FBN2: variants seen among roughly 807,000 people sequenced by gnomAD.
FBN2 encodes fibrillin-2.
A neutral mutation model predicts 355.6 loss-of-function variants in FBN2; 105 were observed. The ratio of observed to expected loss-of-function variants is 0.30; its 90% confidence interval spans 0.25 to 0.35. The LOEUF is 0.35. Among genes scored for constraint, FBN2 ranks in the 10% least tolerant of loss-of-function variants. FBN2 has a pLI of 1.00. For missense variants in FBN2, 3,280 were observed against 3,758.7 expected (o/e 0.87, Z 3.33); for synonymous variants, 1,350 against 1,301.2 (o/e 1.04, Z -0.81).
chr5:128,375,453 G>A (rs1350267961), intron 14 of FBN2, among the ~76,000 whole-genome samples: 7 of 152,126 alleles, frequency 4.6e-5, no homozygotes, highest in Admixed American at 4.6e-4. Context: ...TTCCTATCCT[G>A]TGTTAAATCT....
At chr5:128,338,240 C>T in intron 26 of FBN2, 118 bp from the exon 27 acceptor site, 1 of 1,022,654 alleles carries the variant, frequency 9.8e-7, no homozygotes, top group Non-Finnish European at 1.5e-6. Context: ...AAGAGAGATG[C>T]TTCATAGGAG....
chr5:128,459,983 G>T (rs1275400076), intron 6 of FBN2, among the ~76,000 whole-genome samples: 2 of 152,142 alleles, frequency 1.3e-5, no homozygotes, highest in Non-Finnish European at 2.9e-5. Context: ...GCAAGAGAAA[G>T]AAATAAAGGG....
chr5:128,536,623 A>T (rs1756854233), intron 1 of FBN2, 139 bp from the exon 2 acceptor site: 1 of 719,382 alleles, frequency 1.4e-6, no homozygotes, highest in East Asian at 2.7e-5. Flanking sequence ...ATTATTGGAG[A>T]TCGGGAGGCA....
At chr5:128,338,238 T>C (rs1428634754) in intron 26 of FBN2, 116 bp from the exon 27 acceptor site, 2 of 1,040,336 alleles carry the variant, frequency 1.9e-6, no homozygotes, top group East Asian at 5.2e-5. Context: ...GGAAGAGAGA[T>C]GCTTCATAGG....
intron 6 of FBN2, among the ~76,000 whole-genome samples, chr5:128,458,113 G>A (rs1054573191): frequency 9.9e-5 from 15 of 152,098 alleles, no homozygotes; most frequent in African/African-American, 3.6e-4. Flanking sequence ...AAAATAAAGG[G>A]ATGGAGGAAT....
chr5:128,398,268 A>G (rs74989671), intron 8 of FBN2, among the ~76,000 whole-genome samples: 9,630 of 152,090 alleles, frequency 0.063, 498 homozygotes, highest in South Asian at 0.16. Flanking sequence ...AGGAAAATAC[A>G]TTAATAACAC....
rs750463932 is a variant in FBN2, at chr5:128,301,517, G to C, written c.5918-7C>G. On this transcript the variant is annotated splice_polypyrimidine_tract_variant and splice_region_variant and intron_variant, in intron 46 of 64. Coordinates refer to ENST00000262464, the MANE Select transcript of FBN2 (RefSeq NM_001999.4). ...GAACTGCACTCATCTATGTCTGTAAGCAAACAGGAGTATGTTTTTCAGAAA... is the reference window on the plus strand; with the variant it reads ...GAACTGCACTCATCTATGTCTGTAACCAAACAGGAGTATGTTTTTCAGAAA... 3.1e-5 allele frequency: 50 copies of C among 1,612,296 alleles called. No individual in the cohort carries two copies. The highest frequency in any genetic ancestry group is 3.9e-5 in the Non-Finnish European group (46 of 1,179,442).
At chr5:128,301,725 T>G (rs1423385737) in intron 46 of FBN2, among the ~76,000 whole-genome samples, 2 of 152,172 alleles carry the variant, frequency 1.3e-5, no homozygotes, top group African/African-American at 4.8e-5. Flanking sequence ...AAAGATACAT[T>G]TTTTTCATTT....
chr5:128,279,453 A>T (rs1561744909), intron 56 of FBN2, among the ~76,000 whole-genome samples: 1 of 152,172 alleles, frequency 6.6e-6, no homozygotes, highest in Non-Finnish European at 1.5e-5. Flanking sequence ...TTCCTAAAAG[A>T]CTGATGTTAG....
intron 3 of FBN2, among the ~76,000 whole-genome samples, chr5:128,528,866 T>A (rs1756636562): frequency 6.6e-6 from 1 of 152,150 alleles, no homozygotes. Context: ...GGGAGAAGGA[T>A]GAGGATAGCT....
Position 128,287,366 on chromosome 5 carries a change from G to T in FBN2, c.6822C>A (p.Ser2274=). 6.2e-7 allele frequency: 1 copy of T among 1,614,030 alleles called. No homozygotes were observed. The highest frequency in any genetic ancestry group is 8.5e-7 in the Non-Finnish European group (1 of 1,179,926). The change falls in exon 54 of 65, where the codon TCC becomes TCA. Residue 2274 remains serine (S), a synonymous_variant. Coordinates refer to ENST00000262464, the MANE Select transcript of FBN2 (RefSeq NM_001999.4). ...CAFRCMNTFG[S]YECTCPIGYA... is the part of the protein sequence containing the mutation. ...AGCCAATCGGGCACGTGCATTCATA[G>T]GACCCAAAAGTGTTCATGCAGCGGA... is the stretch of plus-strand genomic sequence containing the variant.
At chr5:128,440,124 G>T (rs1032547949) in intron 7 of FBN2, among the ~76,000 whole-genome samples, 1 of 151,944 alleles carries the variant, frequency 6.6e-6, no homozygotes, top group African/African-American at 2.4e-5. Context: ...AAATATTTTC[G>T]CTTTATAACA....
chr5:128,334,084 C>T (rs1350136554), intron 31 of FBN2, among the ~76,000 whole-genome samples: 3 of 151,886 alleles, frequency 2.0e-5, no homozygotes, highest in Non-Finnish European at 4.4e-5. Context: ...CATCCTAGCC[C>T]CACCTGCATG....
At chr5:128,488,852 G>A (rs371105949) in intron 5 of FBN2, among the ~76,000 whole-genome samples, 4 of 151,658 alleles carry the variant, frequency 2.6e-5, no homozygotes, top group African/African-American at 4.9e-5. Context: ...ATGGCTGCAT[G>A]GTATTCCATG....
At chr5:128,441,688 A>G (rs1317429030) in intron 7 of FBN2, among the ~76,000 whole-genome samples, 1 of 152,224 alleles carries the variant, frequency 6.6e-6, no homozygotes, top group Non-Finnish European at 1.5e-5. Flanking sequence ...TAGTTCAGAT[A>G]CAATATGGTA....
chr5:128,267,671 G>C (rs1332384635), intron 62 of FBN2, among the ~76,000 whole-genome samples: 1 of 151,432 alleles, frequency 6.6e-6, no homozygotes, highest in Non-Finnish European at 1.5e-5. Context: ...TAGGGTTTTT[G>C]TATTTTTCCC....
At chr5:128,328,872 C>T in intron 33 of FBN2, 51 bp from the exon 34 acceptor site, 1 of 1,602,284 alleles carries the variant, frequency 6.2e-7, no homozygotes, top group Non-Finnish European at 8.5e-7. Context: ...TTTCATGACA[C>T]ATTTTCTCCT....
At chr5:128,292,462 T>C (rs554492731) in intron 48 of FBN2, among the ~76,000 whole-genome samples, 2 of 152,342 alleles carry the variant, frequency 1.3e-5, no homozygotes, top group East Asian at 1.9e-4. Context: ...CATGTCTGTC[T>C]GGCTCGCTGT....
chr5:128,434,426 G>T (rs868366965), intron 7 of FBN2, among the ~76,000 whole-genome samples: 2 of 63,894 alleles, frequency 3.1e-5, no homozygotes, highest in African/African-American at 1.8e-4. Flanking sequence ...ATATATATAT[G>T]GGCAGTAAGT....
Sources: gnomAD v4.1 joint callset for allele counts (sites outside exome capture counted in the v4.1 genomes callset) on GRCh38, gnomAD v4.1.1 for gene constraint, MANE v1.5 for transcripts, NCBI Gene and HGNC (gene_info 2026-07-23, HGNC 2026-07-21) for gene names.